Variants in PAK5 observed in about 807,000 individuals in gnomAD.
PAK5 encodes the protein serine/threonine-protein kinase PAK 5.
In PAK5, 16 loss-of-function variants were observed where a neutral mutation model predicts 65.9. The ratio of observed to expected loss-of-function variants is 0.24; its 90% CI spans 0.16 to 0.37. The LOEUF (loss-of-function observed/expected upper bound fraction) is 0.37. Ranked by LOEUF, PAK5 falls within the 10% of genes least tolerant of loss-of-function variation. The pLI, the probability that PAK5 is intolerant of heterozygous loss-of-function variation, is 1.00. For synonymous variants in PAK5, 371 were observed against 354.9 expected (o/e 1.05, Z -0.51); for missense variants, 785 against 903.9 (o/e 0.87, Z 1.69).
rs567791252 is a variant in PAK5 at position 9,644,244 on chromosome 20, C to G, written c.85G>C (p.Glu29Gln). The G allele has an allele frequency of 6.2e-7, 1 of 1,606,826 alleles. No homozygotes were observed. Among genetic ancestry groups the G allele is most frequent in the Non-Finnish European group, 8.5e-7 (1 of 1,177,694 alleles). The change falls in exon 3 of 10, where the codon GAG (glutamate) becomes CAG (glutamine). Residue 29 changes from glutamate (E) to glutamine (Q), a missense_variant. This residue lies in a region of PAK5 where 71 missense variants were observed against 110.2 expected (regional missense o/e 0.64). Transcript: ENST00000353224. ...HRVHTGFDPQ[E>Q]QKFTGLPQQW... Reference sequence around the variant, plus strand: ...TGGGGAAGGCCGGTAAACTTCTGCTCTTGTGGATCAAACCCAGTATGAACC... The same window carrying G: ...TGGGGAAGGCCGGTAAACTTCTGCTGTTGTGGATCAAACCCAGTATGAACC...
At chr20:9,719,704 G>T (rs966861701) in intron 1 of PAK5, among the ~76,000 whole-genome samples, 1 of 152,110 alleles carries the variant, frequency 6.6e-6, no homozygotes, top group African/African-American at 2.4e-5. Context: ...CTAGCCCATT[G>T]TGTTTGCCTT....
intron 2 of PAK5, among the ~76,000 whole-genome samples, chr20:9,687,051 T>C (rs767993236): frequency 7.2e-5 from 11 of 152,128 alleles, no homozygotes; most frequent in Non-Finnish European, 1.5e-4. Context: ...AGCCGCCCCC[T>C]CCTGAGAGAT....
At chr20:9,573,086 TTG>T (rs2045819841) in intron 4 of PAK5, among the ~76,000 whole-genome samples, 1 of 148,686 alleles carries the variant, frequency 6.7e-6, no homozygotes, top group African/African-American at 2.6e-5. Context: ...GCAGTCATGA[TTG>T]TGATTTCCTC....
chr20:9,576,687 A>T (rs565909831), intron 4 of PAK5, among the ~76,000 whole-genome samples: 1 of 152,360 alleles, frequency 6.6e-6, no homozygotes, highest in Admixed American at 6.5e-5. Context: ...TTGCACCCAC[A>T]GAAGCTGCCC....
intron 3 of PAK5, among the ~76,000 whole-genome samples, chr20:9,614,178 G>A (rs986420029): frequency 2.6e-5 from 4 of 152,138 alleles, no homozygotes; most frequent in Admixed American, 6.5e-5. Context: ...AGAGAAATGC[G>A]AGAGATCAAA....
chr20:9,738,579 C>T (rs560678815), intron 1 of PAK5, among the ~76,000 whole-genome samples: 2 of 152,090 alleles, frequency 1.3e-5, no homozygotes, highest in East Asian at 3.9e-4. Flanking sequence ...ACATACTGAA[C>T]GATTTCATTT....
intron 3 of PAK5, among the ~76,000 whole-genome samples, chr20:9,592,440 C>A (rs769893176): frequency 3.3e-5 from 5 of 152,108 alleles, no homozygotes; most frequent in Non-Finnish European, 7.3e-5. Context: ...TGGGATGGGG[C>A]CCAAGGGAAC....
intron 1 of PAK5, among the ~76,000 whole-genome samples, chr20:9,786,670 C>CT (rs200324950): frequency 0.01 from 1,528 of 152,184 alleles, 18 homozygotes; most frequent in Non-Finnish European, 0.013. Flanking sequence ...TAAATATACT[C>CT]TAAGATACAC....
chr20:9,593,388 C>G (rs1457595356), intron 3 of PAK5, among the ~76,000 whole-genome samples: 1 of 152,126 alleles, frequency 6.6e-6, no homozygotes, highest in Non-Finnish European at 1.5e-5. Flanking sequence ...TGATGCATCT[C>G]TATGTACTAA....
At chr20:9,737,530 T>C (rs1178508517) in intron 1 of PAK5, among the ~76,000 whole-genome samples, 1 of 152,086 alleles carries the variant, frequency 6.6e-6, no homozygotes, top group Non-Finnish European at 1.5e-5. Flanking sequence ...TAGACAAATA[T>C]GCAATTATTA....
At chr20:9,765,238 A>T (rs1802674495) in intron 1 of PAK5, among the ~76,000 whole-genome samples, 1 of 151,974 alleles carries the variant, frequency 6.6e-6, no homozygotes, top group African/African-American at 2.4e-5. Flanking sequence ...GAATTTGGGG[A>T]TTTTTTTTAA....
chr20:9,586,678 T>C (rs1279061840), intron 3 of PAK5, among the ~76,000 whole-genome samples: 1 of 152,152 alleles, frequency 6.6e-6, no homozygotes, highest in Non-Finnish European at 1.5e-5. Flanking sequence ...ATAGGGATTT[T>C]TTGTCTCCCA....
intron 3 of PAK5, among the ~76,000 whole-genome samples, chr20:9,628,472 A>T (rs958349884): frequency 6.6e-6 from 1 of 152,190 alleles, no homozygotes; most frequent in Admixed American, 6.5e-5. Context: ...TACATCTCCA[A>T]ATTTTGTAGG....
intron 3 of PAK5, among the ~76,000 whole-genome samples, chr20:9,591,741 T>G (rs995990742): frequency 6.6e-6 from 1 of 152,118 alleles, no homozygotes; most frequent in African/African-American, 2.4e-5. Flanking sequence ...AGGGCCACAA[T>G]GTATTGCATT....
At chr20:9,553,918 G>T (rs1159254830) in intron 7 of PAK5, among the ~76,000 whole-genome samples, 1 of 152,086 alleles carries the variant, frequency 6.6e-6, no homozygotes, top group Non-Finnish European at 1.5e-5. Flanking sequence ...TTTTGAAAAA[G>T]AACTGCCAAA....
intron 2 of PAK5, among the ~76,000 whole-genome samples, chr20:9,667,780 T>C (rs1205432169): frequency 6.6e-6 from 1 of 152,182 alleles, no homozygotes; most frequent in Non-Finnish European, 1.5e-5. Context: ...AAGCCCATAA[T>C]GTATATATGC....
intron 1 of PAK5, among the ~76,000 whole-genome samples, chr20:9,767,044 C>T (rs1172088580): frequency 6.6e-6 from 1 of 152,012 alleles, no homozygotes. Flanking sequence ...ATACACAGAC[C>T]TGAGGGTATA....
intron 2 of PAK5, among the ~76,000 whole-genome samples, chr20:9,702,467 T>C (rs888491257): frequency 6.6e-6 from 1 of 152,142 alleles, no homozygotes; most frequent in African/African-American, 2.4e-5. Flanking sequence ...TTGTACATCA[T>C]GTATTAGAAT....
rs762027150 is a variant in PAK5 at position 9,580,250 on chromosome 20, C to G, written c.885G>C (p.Pro295=). ...ATGCACTTGCTCCAAATGGCATCAT[C>G]GGTTCCTGGAGTCCCGAGCCTGACC... is the stretch of plus-strand genomic sequence containing the variant. ...RSRSGSGLQE[P]MMPFGASAFK... Residue 295 remains proline (P), a synonymous_variant, in exon 4 of 10, where the codon CCG becomes CCC. Transcript: ENST00000353224. 2 of 1,613,980 alleles carry G rather than the reference C, an allele frequency of 1.2e-6. No homozygotes were observed. Among genetic ancestry groups the G allele is most frequent in the Admixed American group, 1.7e-5 (1 of 60,002 alleles).
Sources: gnomAD v4.1 joint callset for allele counts (sites outside exome capture counted in the v4.1 genomes callset) on GRCh38, gnomAD v4.1.1 for gene constraint, gnomAD v4.1.1 regional missense constraint, MANE v1.5 for transcripts, NCBI Gene and HGNC (gene_info 2026-07-23, HGNC 2026-07-21) for gene names.